STK3: variants seen among roughly 807,000 people sequenced by gnomAD.
The protein encoded by STK3 is serine/threonine kinase 3.
In STK3, 41 loss-of-function variants were observed where a neutral mutation model predicts 58.0. The observed-to-expected ratio is 0.71, with a 90% CI of 0.55 to 0.92. STK3 has a LOEUF of 0.92. STK3 is among the 40% of genes least tolerant of loss of function. The pLI, the probability that STK3 is intolerant of heterozygous loss-of-function variation, is 0.00. For missense variants in STK3, 479 were observed against 602.7 expected (o/e 0.79, Z 2.15); for synonymous variants, 170 against 191.0 (o/e 0.89, Z 0.91).
intron 7 of STK3, 108 bp from the exon 8 acceptor site, chr8:98,579,897 ATTG>A (rs1213155903): frequency 9.7e-7 from 1 of 1,034,946 alleles, no homozygotes; most frequent in Non-Finnish European, 1.3e-6. Context: ...GGCTTCAATG[ATTG>A]TTTTTTCATC....
chr8:98,520,390 G>A (rs1412469328), intron 10 of STK3, among the ~76,000 whole-genome samples: 2 of 152,006 alleles, frequency 1.3e-5, no homozygotes, highest in South Asian at 2.1e-4. Flanking sequence ...AAATGCTAAC[G>A]ATTTAAAAGG....
chr8:98,479,497 G>C lies in STK3; in HGVS notation c.1318-23497C>G, dbSNP rs1413995044. On this transcript the variant is annotated intron_variant, in intron 10 of 10. Coordinates refer to ENST00000419617, the MANE Select transcript of STK3 (RefSeq NM_006281.4). ...GCAACACTCCGTCTCGGGGGGGGGGGGGGGGCGGGAAAGGTGAAGAAGCAT... is the reference window on the plus strand; with the variant it reads ...GCAACACTCCGTCTCGGGGGGGGGGCGGGGGCGGGAAAGGTGAAGAAGCAT... 2.3e-4 allele frequency among the ~76,000 whole-genome samples: 22 copies of C among 95,434 alleles called. 1 individual carries two copies. The highest frequency in any genetic ancestry group is 1.6e-3 in the South Asian group (3 of 1,886). 62.6% of individuals were successfully genotyped at this position (95,434 alleles called of 152,430 possible).
chr8:98,933,201 C>T (rs1840065894), intron 1 of STK3, among the ~76,000 whole-genome samples: 1 of 152,168 alleles, frequency 6.6e-6, no homozygotes, highest in Non-Finnish European at 1.5e-5. Context: ...TGTTGTAAAA[C>T]ATATGTGTCC....
intron 1 of STK3, among the ~76,000 whole-genome samples, chr8:98,918,976 TA>T (rs1217790335): frequency 1.3e-5 from 2 of 151,542 alleles, no homozygotes; most frequent in Non-Finnish European, 2.9e-5. Flanking sequence ...AAGAAAGGGT[TA>T]GGGGAGCTGG....
intron 10 of STK3, among the ~76,000 whole-genome samples, chr8:98,496,133 T>A (rs1487471288): frequency 1.3e-5 from 2 of 152,192 alleles, no homozygotes; most frequent in Non-Finnish European, 2.9e-5. Flanking sequence ...TTTATCTCTA[T>A]CTTGCCAACA....
chr8:98,389,658 C>A (rs779004571), upstream of STK3, among the ~76,000 whole-genome samples: 2 of 151,530 alleles, frequency 1.3e-5, no homozygotes, highest in African/African-American at 2.4e-5. Flanking sequence ...TGACAGCAAG[C>A]ATACCTGTGG....
chr8:98,885,646 G>T (rs1362130471), intron 1 of STK3, among the ~76,000 whole-genome samples: 1 of 152,160 alleles, frequency 6.6e-6, no homozygotes, highest in Non-Finnish European at 1.5e-5. Flanking sequence ...CTCCGTGTTG[G>T]TCAGGCTGGT....
intron 1 of STK3, among the ~76,000 whole-genome samples, chr8:98,794,905 TA>T (rs1160977726): frequency 1.3e-5 from 2 of 150,514 alleles, no homozygotes; most frequent in African/African-American, 4.9e-5. Flanking sequence ...CCGGCTCTAC[TA>T]AAAAACCCAA....
chr8:98,442,924 C>T (rs1335462025), intron 1 of STK3, among the ~76,000 whole-genome samples: 1 of 151,384 alleles, frequency 6.6e-6, no homozygotes, highest in East Asian at 1.9e-4. Flanking sequence ...CCTCAATATT[C>T]ACACAGATTT....
intron 10 of STK3, among the ~76,000 whole-genome samples, chr8:98,525,747 G>C (rs1712458138): frequency 6.6e-6 from 1 of 151,884 alleles, no homozygotes; most frequent in African/African-American, 2.4e-5. Flanking sequence ...GATAGATTTT[G>C]AAACTTTATT....
intron 1 of STK3, among the ~76,000 whole-genome samples, chr8:98,816,875 T>G (rs776499081): frequency 6.6e-6 from 1 of 152,124 alleles, no homozygotes; most frequent in Non-Finnish European, 1.5e-5. Context: ...ACCTACAGTA[T>G]CTAGCAATGC....
chr8:98,830,905 G>T (rs1835506828), intron 3 of STK3, among the ~76,000 whole-genome samples: 1 of 146,734 alleles, frequency 6.8e-6, no homozygotes, highest in African/African-American at 2.5e-5. Context: ...GGGAGGCGAA[G>T]CTTGCAGTGA....
intron 3 of STK3, among the ~76,000 whole-genome samples, chr8:98,854,226 C>T (rs1836584911): frequency 6.6e-6 from 1 of 152,044 alleles, no homozygotes; most frequent in South Asian, 2.1e-4. Flanking sequence ...GCAACCTCTG[C>T]CTCCCGGGTT....
At chr8:98,681,042 A>G (rs998207571) in intron 6 of STK3, among the ~76,000 whole-genome samples, 7 of 141,060 alleles carry the variant, frequency 5.0e-5, no homozygotes, top group African/African-American at 1.8e-4. Flanking sequence ...TCTGTCACCC[A>G]GGGTGGAGTG....
At chr8:98,441,399 T>C (rs1372950338) in intron 1 of STK3, among the ~76,000 whole-genome samples, 2 of 152,218 alleles carry the variant, frequency 1.3e-5, no homozygotes, top group African/African-American at 4.8e-5. Flanking sequence ...AGTGTGGTTG[T>C]ATCAAAGTTT....
intron 6 of STK3, among the ~76,000 whole-genome samples, chr8:98,622,467 A>G (rs1457369917): frequency 6.6e-6 from 1 of 152,178 alleles, no homozygotes; most frequent in Non-Finnish European, 1.5e-5. Flanking sequence ...GCAATCTAAA[A>G]GTAACAAACT....
chr8:98,670,713 C>A (rs894429739), intron 6 of STK3, among the ~76,000 whole-genome samples: 3 of 152,152 alleles, frequency 2.0e-5, no homozygotes, highest in East Asian at 3.9e-4. Flanking sequence ...GCCCATGGGC[C>A]CCCCCGATCC....
intron 10 of STK3, among the ~76,000 whole-genome samples, chr8:98,506,449 T>C (rs910200740): frequency 1.3e-5 from 2 of 152,118 alleles, no homozygotes; most frequent in South Asian, 2.1e-4. Flanking sequence ...GGTACCTCAA[T>C]TGGAAATGCA....
At position 98,540,551 on chromosome 8, in the gene STK3, T is replaced by A. The variant is rs572245025; in HGVS notation, c.1141+7418A>T. Among the ~76,000 whole-genome samples the A allele has an allele frequency of 3.3e-5, 5 of 152,314 alleles. No homozygotes were observed. The East Asian group carries it at 9.7e-4, about 29-fold the overall frequency. On this transcript the variant is annotated intron_variant, in intron 9 of 10. Transcript: ENST00000419617. ...GATGGACCTTCACCTTATAGCTTCATCCAAGTTTCTATGAAAAATTTTGAG... is the reference window on the plus strand; with the variant it reads ...GATGGACCTTCACCTTATAGCTTCAACCAAGTTTCTATGAAAAATTTTGAG...
Sources: allele counts gnomAD v4.1 joint callset (sites outside exome capture counted in the v4.1 genomes callset), GRCh38; gene constraint gnomAD v4.1.1; transcripts MANE v1.5; gene names NCBI Gene and HGNC (gene_info 2026-07-23, HGNC 2026-07-21).